FAM120A: variants seen among roughly 807,000 people sequenced by gnomAD.
FAM120A encodes constitutive coactivator of PPAR-gamma-like protein 1.
In FAM120A, 15 loss-of-function variants were observed where a neutral mutation model predicts 109.7. The ratio of observed to expected loss-of-function variants is 0.14; its 90% CI spans 0.09 to 0.21. The LOEUF is 0.21. FAM120A is among the 10% of genes least tolerant of loss of function. FAM120A has a pLI of 1.00. For missense variants in FAM120A, 899 were observed against 1,439.3 expected, an observed-to-expected ratio of 0.62 and a Z score of 6.07; for synonymous variants, 493 against 572.8, an observed-to-expected ratio of 0.86 and a Z score of 1.99.
At chr9:93,496,824 T>G (rs911521859) in intron 3 of FAM120A, among the ~76,000 whole-genome samples, 2 of 152,262 alleles carry the variant, frequency 1.3e-5, no homozygotes, top group African/African-American at 4.8e-5. Flanking sequence ...ACCTGTTAAC[T>G]TACGTTTTTC....
chr9:93,523,137 A>G (rs1347697996), intron 7 of FAM120A: 3 of 328,628 alleles, frequency 9.1e-6, no homozygotes, highest in Admixed American at 4.9e-5. Flanking sequence ...ATGCTAGAAA[A>G]TCAGAACACT....
In FAM120A at chr9:93,562,238, G is replaced by A. The variant is rs774333491; in HGVS notation, c.2979G>A (p.Val993=). The A allele has an allele frequency of 1.8e-5, 29 of 1,614,138 alleles. No individual in the cohort carries two copies. Among genetic ancestry groups the A allele is most frequent in the Non-Finnish European group, 2.1e-5 (25 of 1,179,982 alleles). The change falls in exon 17 of 18, where the codon GTG becomes GTA. Residue 993 remains valine, a synonymous_variant. Coordinates refer to ENST00000277165, the MANE Select transcript of FAM120A (RefSeq NM_014612.5). ...GRPRGVISTP[V]IRTFGRGGRY... ...CAAGAGGAGTTATTTCCACCCCAGT[G>A]ATTAGAACATTTGGAAGAGGTGGAA...
At chr9:93,479,450 C>A (rs7859645) in intron 3 of FAM120A, among the ~76,000 whole-genome samples, 1 of 152,096 alleles carries the variant, frequency 6.6e-6, no homozygotes, top group Non-Finnish European at 1.5e-5. Context: ...ATAAATTTGG[C>A]TTTGGCAAAA....
intron 13 of FAM120A, among the ~76,000 whole-genome samples, chr9:93,557,022 G>A (rs114512183): frequency 0.012 from 1,785 of 151,772 alleles, 38 homozygotes; most frequent in African/African-American, 0.041. Context: ...TCTGTAACAC[G>A]TATATTCTCT....
chr9:93,527,113 G>C (rs1861116777), intron 7 of FAM120A, 42 bp from the exon 8 acceptor site: 1 of 1,551,614 alleles, frequency 6.4e-7, no homozygotes, highest in Non-Finnish European at 8.9e-7. Flanking sequence ...CAGCTGGTTT[G>C]TGAAAGTGAT....
At chr9:93,459,020 A>G (rs935359667) in intron 1 of FAM120A, among the ~76,000 whole-genome samples, 9 of 152,210 alleles carry the variant, frequency 5.9e-5, no homozygotes, top group Admixed American at 5.9e-4. Context: ...GTTTCTGCTT[A>G]TGTCATTCCC....
intron 3 of FAM120A, among the ~76,000 whole-genome samples, chr9:93,491,062 T>C (rs898811010): frequency 3.9e-5 from 6 of 152,288 alleles, no homozygotes; most frequent in Non-Finnish European, 7.4e-5. Flanking sequence ...CTGAAAGTTA[T>C]GCCTGGGGTT....
intron 12 of FAM120A, among the ~76,000 whole-genome samples, chr9:93,551,910 G>A (rs907091991): frequency 2.6e-5 from 4 of 152,134 alleles, no homozygotes; most frequent in Non-Finnish European, 5.9e-5. Flanking sequence ...TTGAATTTAC[G>A]TTTCTGTTTT....
At chr9:93,555,612 G>A (rs1862260648) in intron 12 of FAM120A, among the ~76,000 whole-genome samples, 1 of 152,218 alleles carries the variant, frequency 6.6e-6, no homozygotes, top group African/African-American at 2.4e-5. Context: ...ATGATCAAGA[G>A]TTGACTGTAC....
intron 7 of FAM120A, among the ~76,000 whole-genome samples, chr9:93,523,637 GTC>G (rs1860939060): frequency 6.6e-6 from 1 of 152,202 alleles, no homozygotes; most frequent in African/African-American, 2.4e-5. Flanking sequence ...ACAGTTAGGT[GTC>G]TCTGAACCCT....
chr9:93,541,096 G>T (rs1588897483), intron 10 of FAM120A, among the ~76,000 whole-genome samples: 1 of 151,566 alleles, frequency 6.6e-6, no homozygotes, highest in South Asian at 2.1e-4. Context: ...TGTGTGGTGG[G>T]GTTTGTTGGG....
At chr9:93,541,190 T>G (rs900692317) in intron 10 of FAM120A, among the ~76,000 whole-genome samples, 2 of 152,170 alleles carry the variant, frequency 1.3e-5, no homozygotes, top group African/African-American at 4.8e-5. Context: ...GGTGTGGTTA[T>G]GTAGAGTAAT....
At chr9:93,543,540 GA>G in intron 11 of FAM120A, 69 bp downstream of exon 11, 2 of 1,549,384 alleles carry the variant, frequency 1.3e-6, no homozygotes, top group Non-Finnish European at 1.7e-6. Flanking sequence ...CATGGTGTCA[GA>G]TGAGTTCTAG....
intron 11 of FAM120A, among the ~76,000 whole-genome samples, chr9:93,549,032 G>C (rs1861999965): frequency 6.6e-6 from 1 of 151,884 alleles, no homozygotes; most frequent in African/African-American, 2.4e-5. Flanking sequence ...CACAGAGCAA[G>C]ACTCCATCTC....
intron 3 of FAM120A, among the ~76,000 whole-genome samples, chr9:93,490,028 T>A (rs1326623999): frequency 2.6e-5 from 4 of 152,232 alleles, no homozygotes; most frequent in Non-Finnish European, 5.9e-5. Context: ...GGCAACATTT[T>A]GTCACCAAGA....
intron 7 of FAM120A, among the ~76,000 whole-genome samples, chr9:93,516,663 G>A (rs565518418): frequency 2.0e-5 from 3 of 152,050 alleles, no homozygotes; most frequent in Non-Finnish European, 4.4e-5. Flanking sequence ...GATCAAGGGA[G>A]CTCTGAATTT....
chr9:93,536,865 AT>A (rs1341077666), intron 10 of FAM120A, among the ~76,000 whole-genome samples: 1 of 152,214 alleles, frequency 6.6e-6, no homozygotes, highest in Non-Finnish European at 1.5e-5. Context: ...AAGTTCTATA[AT>A]TTCACTTTTA....
intron 7 of FAM120A, chr9:93,523,334 C>T (rs1437292353): frequency 9.3e-6 from 12 of 1,289,194 alleles, no homozygotes; most frequent in East Asian, 5.6e-5. Flanking sequence ...AGAATTCCAT[C>T]GTGCTCTGCT....
chr9:93,562,395 G>A lies in FAM120A; in HGVS notation c.3045+91G>A. 5 of 915,142 alleles carry A rather than the reference G, an allele frequency of 5.5e-6. 1 individual carries two copies. The allele number at this position is 915,142 out of a possible 1,614,324, so 56.7% of individuals were successfully genotyped here. On this transcript the variant is annotated intron_variant, in intron 17 of 17. Transcript: ENST00000277165. ...CACTTCTAGTACCTGCGCTCAGACA[G>A]AAGAGCTGTGAGGGTAATGCTTTAG...
Sources: allele counts gnomAD v4.1 joint callset (sites outside exome capture counted in the v4.1 genomes callset), GRCh38; gene constraint gnomAD v4.1.1; transcripts MANE v1.5; gene names NCBI Gene and HGNC (gene_info 2026-07-23, HGNC 2026-07-21).